B3GALT5: variants seen among roughly 807,000 people sequenced by gnomAD.
B3GALT5 encodes UDP-Gal:betaGlcNAc beta 1,3-galactosyltransferase, polypeptide 5.
For synonymous variants in B3GALT5, 156 were observed against 158.6 expected (o/e 0.98, Z 0.12); for missense variants, 328 against 396.6 (o/e 0.83, Z 1.47).
At chr21:39,619,094 T>A (rs1364517029) in intron 1 of B3GALT5, among the ~76,000 whole-genome samples, 2 of 147,844 alleles carry the variant, frequency 1.4e-5, no homozygotes, top group East Asian at 4.0e-4. Flanking sequence ...TAGATCTGTT[T>A]TGAGGCTATT....
Position 39,639,347 on chromosome 21 carries a change from T to TTTCTTTCTTTTTTTCCTTCC in B3GALT5, c.-391-7042_-391-7041insTTTCTTTTTTTCCTTCCTTC, listed in dbSNP as rs762994044. On this transcript the variant is annotated intron_variant, in intron 1 of 3. Transcript: ENST00000684187. Reference sequence around the variant, plus strand: ...CTTTCTTTCTTTCTTTCTTTCTTTCTTTCCTTCCTTCCTTCCTTCCTTCCT... The same window carrying TTTCTTTCTTTTTTTCCTTCC: ...CTTTCTTTCTTTCTTTCTTTCTTTCTTTCTTTCTTTTTTTCCTTCCTTCCTTCCTTCCTTCCTTCCTTCCT... Among the ~76,000 whole-genome samples the TTTCTTTCTTTTTTTCCTTCC allele has an allele frequency of 2.2e-3, 144 of 66,772 alleles. 2 individuals are homozygous for TTTCTTTCTTTTTTTCCTTCC. The highest frequency in any genetic ancestry group is 2.9e-3 in the Non-Finnish European group (99 of 34,108). 43.8% of individuals were successfully genotyped at this position (66,772 alleles called of 152,430 possible).
At chr21:39,645,394 C>T (rs2079327683) in intron 1 of B3GALT5, among the ~76,000 whole-genome samples, 3 of 152,218 alleles carry the variant, frequency 2.0e-5, no homozygotes, top group Non-Finnish European at 2.9e-5. Context: ...TTCTCCTATC[C>T]TGGTGGACTC....
chr21:39,654,996 A>G (rs2079428553), intron 2 of B3GALT5, among the ~76,000 whole-genome samples: 1 of 152,208 alleles, frequency 6.6e-6, no homozygotes, highest in South Asian at 2.1e-4. Context: ...TGGAAACTAC[A>G]TTATCTCTTG....
rs148193069 is a variant in B3GALT5, at chr21:39,638,348, G to T, written c.-391-8044G>T. On this transcript the variant is annotated intron_variant, in intron 1 of 3. Coordinates refer to ENST00000684187, the MANE Select transcript of B3GALT5 (RefSeq NM_001356336.2). The stretch of plus-strand genomic sequence containing the variant: ...ACATCAGCGGAGGAACACATGGGCG[G>T]CTGGACGTCAAGAGAAAAGCACAGA... 4.6e-5 allele frequency among the ~76,000 whole-genome samples: 7 copies of T among 152,294 alleles called. No homozygotes were observed. The East Asian group carries it at 1.2e-3, about 25-fold the overall frequency.
intron 1 of B3GALT5, among the ~76,000 whole-genome samples, chr21:39,641,252 T>C (rs558161474): frequency 1.3e-5 from 2 of 152,322 alleles, no homozygotes; most frequent in South Asian, 2.1e-4. Context: ...TCCATAGCAG[T>C]TGTATTTTAG....
intron 1 of B3GALT5, among the ~76,000 whole-genome samples, chr21:39,639,400 T>TCC (rs2079265420): frequency 1.7e-5 from 1 of 57,196 alleles, no homozygotes; most frequent in East Asian, 4.9e-4. Context: ...CCTTCTTTCT[T>TCC]TTTCTTTCTT....
chr21:39,618,682 C>G (rs2079119526), intron 1 of B3GALT5, among the ~76,000 whole-genome samples: 1 of 152,088 alleles, frequency 6.6e-6, no homozygotes, highest in Non-Finnish European at 1.5e-5. Flanking sequence ...TTTAGAAATT[C>G]TAGATCCTTA....
intron 2 of B3GALT5, among the ~76,000 whole-genome samples, chr21:39,659,318 C>T (rs561839654): frequency 7.2e-5 from 11 of 152,174 alleles, no homozygotes; most frequent in Non-Finnish European, 1.3e-4. Flanking sequence ...TCTTGCTGTC[C>T]TCTCTGTCCT....
chr21:39,619,472 G>T (rs1228890027), intron 1 of B3GALT5, among the ~76,000 whole-genome samples: 1 of 152,086 alleles, frequency 6.6e-6, no homozygotes, highest in Non-Finnish European at 1.5e-5. Flanking sequence ...TCCGTCCATA[G>T]CATTGGTTTA....
At chr21:39,620,681 A>G (rs747907351) in intron 1 of B3GALT5, among the ~76,000 whole-genome samples, 5 of 152,296 alleles carry the variant, frequency 3.3e-5, no homozygotes, top group Non-Finnish European at 7.3e-5. Flanking sequence ...AAATGTTGAT[A>G]TGAGCATACC....
At chr21:39,645,464 T>C (rs952134503) in intron 1 of B3GALT5, among the ~76,000 whole-genome samples, 3 of 152,024 alleles carry the variant, frequency 2.0e-5, no homozygotes, top group African/African-American at 7.3e-5. Context: ...CAGCAGGAGG[T>C]AGGGGTTCAT....
intron 2 of B3GALT5, among the ~76,000 whole-genome samples, chr21:39,652,137 C>T (rs1198313720): frequency 6.6e-6 from 1 of 150,986 alleles, no homozygotes; most frequent in African/African-American, 2.5e-5. Flanking sequence ...GCAGCAGGTG[C>T]CCCCCCAAGC....
intron 1 of B3GALT5, among the ~76,000 whole-genome samples, chr21:39,639,311 T>TTTCC (rs1199952997): frequency 2.1e-5 from 2 of 95,046 alleles, no homozygotes; most frequent in South Asian, 4.2e-4. Flanking sequence ...TCTTTCTTTC[T>TTTCC]TTCTTTCTTT....
In B3GALT5 at chr21:39,641,011, C is replaced by T. The variant is rs144149285; in HGVS notation, c.-391-5381C>T. ...CTACCTGCTTCAGGCTCCCAGAGTG[C>T]TGGGATTATAGGTGTGAACCACTGC... On this transcript the variant is annotated intron_variant, in intron 1 of 3. Coordinates refer to ENST00000684187, the MANE Select transcript of B3GALT5 (RefSeq NM_001356336.2). 8.9e-3 allele frequency among the ~76,000 whole-genome samples: 1,356 copies of T among 152,286 alleles called. 73 individuals carry two copies. The highest frequency in any genetic ancestry group is 0.081 in the Admixed American group (1,237 of 15,284).
At chr21:39,640,571 T>G (rs1055555193) in intron 1 of B3GALT5, among the ~76,000 whole-genome samples, 12 of 152,164 alleles carry the variant, frequency 7.9e-5, no homozygotes, top group African/African-American at 2.9e-4. Context: ...TCAGACACGT[T>G]TCGAAGGAAT....
At position 39,661,628 on chromosome 21, in the gene B3GALT5, G is replaced by C; in HGVS notation, c.*136G>C. The C allele has an allele frequency of 1.1e-6, 1 of 871,516 alleles. No homozygotes were observed. The highest frequency in any genetic ancestry group is 1.6e-6 in the Non-Finnish European group (1 of 608,594). The allele number at this position is 871,516 out of a possible 1,614,324, so 54.0% of individuals were successfully genotyped here. A position where few individuals can be genotyped will look rare whatever the true frequency, so the allele number is the denominator to read the frequency against. On this transcript the variant is annotated 3_prime_UTR_variant, in exon 4 of 4. Transcript: ENST00000684187. The surrounding 1 kb of genome is among the most constrained non-coding windows in gnomAD (Gnocchi z 4.7). ...TCCACGCCAGAATGTCGGTGTTCAT[G>C]AAGTCACTGATTAGTTCCCACTTGG... is the stretch of plus-strand genomic sequence containing the variant.
intron 2 of B3GALT5, among the ~76,000 whole-genome samples, chr21:39,650,179 T>C (rs966684113): frequency 1.3e-5 from 2 of 152,136 alleles, no homozygotes; most frequent in Non-Finnish European, 2.9e-5. Flanking sequence ...AGAGACAAAA[T>C]AAAATAAATA....
chr21:39,664,001 A>C lies in B3GALT5; in HGVS notation c.*2509A>C, dbSNP rs2079554664. ...AGGCACCCAGAGAGGAAGGATTCCG[A>C]TGGGCAGGTGCTGAGCTAGGGGCTG... On this transcript the variant is annotated 3_prime_UTR_variant, in exon 4 of 4. Transcript: ENST00000684187. 6.6e-6 allele frequency: 1 copy of C among 152,494 alleles called. No individual in the cohort carries two copies. Among genetic ancestry groups the C allele is most frequent in the South Asian group, 2.1e-4 (1 of 4,826 alleles). 9.4% of individuals were successfully genotyped at this position (152,494 alleles called of 1,614,324 possible).
intron 1 of B3GALT5, among the ~76,000 whole-genome samples, chr21:39,639,353 TCCTTCCTTCC>T (rs2079261291): frequency 2.4e-5 from 3 of 124,686 alleles, no homozygotes; most frequent in African/African-American, 9.4e-5. Context: ...TTTCTTTCCT[TCCTTCCTTCC>T]TTCCTTCCTT....
Sources: gnomAD v4.1 joint callset for allele counts (sites outside exome capture counted in the v4.1 genomes callset) on GRCh38, gnomAD v4.1.1 for gene constraint, Gnocchi (gnomAD v3.1) non-coding constraint, MANE v1.5 for transcripts, NCBI Gene and HGNC (gene_info 2026-07-23, HGNC 2026-07-21) for gene names.